AP1G1: variants seen among roughly 807,000 people sequenced by gnomAD.
AP1G1 encodes the protein AP-1 complex subunit gamma-1.
AP1G1 carries 7 observed loss-of-function variants against 108.3 expected under a neutral mutation model. The observed-to-expected ratio is 0.06, with a 90% CI of 0.04 to 0.12. AP1G1 has a LOEUF of 0.12. Ranked by LOEUF, AP1G1 falls within the 10% of genes least tolerant of loss-of-function variation. The pLI, the probability that AP1G1 is intolerant of heterozygous loss-of-function variation, is 1.00. For synonymous variants in AP1G1, 379 were observed against 353.5 expected, an observed-to-expected ratio of 1.07 and a Z score of -0.81; for missense variants, 756 against 1,010.7, an observed-to-expected ratio of 0.75 and a Z score of 3.42.
At chr16:71,798,897 A>T (rs1432380741) in intron 1 of AP1G1, among the ~76,000 whole-genome samples, 2 of 152,088 alleles carry the variant, frequency 1.3e-5, no homozygotes, top group African/African-American at 2.4e-5. Context: ...TCCCAGGAAA[A>T]AAAAAAAGGA....
At chr16:71,800,471 CGG>C (rs1008748478) in intron 1 of AP1G1, among the ~76,000 whole-genome samples, 3 of 150,880 alleles carry the variant, frequency 2.0e-5, no homozygotes, top group Non-Finnish European at 4.4e-5. Context: ...CATGTGAGGT[CGG>C]GAGTTCAAAA....
Position 71,808,513 on chromosome 16 carries a change from C to T in AP1G1, c.-4+250G>A, listed in dbSNP as rs937058234. On this transcript the variant is annotated intron_variant, in intron 1 of 22. Coordinates refer to ENST00000299980, the MANE Select transcript of AP1G1 (RefSeq NM_001128.6). Reference sequence around the variant, plus strand: ...TTCAAGGAGGCCCGTACCGGCGGGGCAACGCCACAACACGGAACGCCGCGG... The same window carrying T: ...TTCAAGGAGGCCCGTACCGGCGGGGTAACGCCACAACACGGAACGCCGCGG... The T allele has an allele frequency of 7.9e-6, 10 of 1,262,296 alleles. No homozygotes were observed. In the East Asian group the frequency reaches 2.3e-4, roughly 28 times the overall value. The allele number at this position is 1,262,296 out of a possible 1,614,324, so 78.2% of individuals were successfully genotyped here. A position where few individuals can be genotyped will look rare whatever the true frequency, so the allele number is the denominator to read the frequency against.
In AP1G1 at chr16:71,750,065, T is replaced by C. The variant is rs1202960560; in HGVS notation, c.1408-82A>G. On this transcript the variant is annotated intron_variant, in intron 14 of 22. Coordinates refer to ENST00000299980, the MANE Select transcript of AP1G1 (RefSeq NM_001128.6). The stretch of plus-strand genomic sequence containing the variant: ...ATGCAAATCATAGGTCATCTCATAA[T>C]AAAGATCAAAACTGTGCATATCTAG... 2.7e-6 allele frequency: 4 copies of C among 1,485,930 alleles called. No individual in the cohort carries two copies. In the South Asian group the frequency reaches 4.5e-5, roughly 17 times the overall value. 92.0% of individuals were successfully genotyped at this position (1,485,930 alleles called of 1,614,324 possible).
Position 71,730,365 on chromosome 16 carries a change from G to A in AP1G1, c.*2693C>T, listed in dbSNP as rs1347196557. 3 of 152,288 alleles carry A rather than the reference G, an allele frequency of 2.0e-5. No individual in the cohort carries two copies. The highest frequency in any genetic ancestry group is 4.4e-5 in the Non-Finnish European group (3 of 68,028). 9.4% of individuals were successfully genotyped at this position (152,288 alleles called of 1,614,324 possible). On this transcript the variant is annotated 3_prime_UTR_variant, in exon 23 of 23. Transcript: ENST00000299980. ...AAGAGGGAAATAATGAAGTACAAGTGCATGTGAAATTGTCAAAGTAAGTGT... is the reference window on the plus strand; with the variant it reads ...AAGAGGGAAATAATGAAGTACAAGTACATGTGAAATTGTCAAAGTAAGTGT...
At chr16:71,790,486 C>T (rs1275077458) in intron 1 of AP1G1, among the ~76,000 whole-genome samples, 1 of 147,072 alleles carries the variant, frequency 6.8e-6, no homozygotes, top group Non-Finnish European at 1.5e-5. Context: ...AAGATTGCAC[C>T]ATTGCCCTCT....
At chr16:71,787,819 C>T (rs1332663976) in intron 2 of AP1G1, among the ~76,000 whole-genome samples, 3 of 152,052 alleles carry the variant, frequency 2.0e-5, no homozygotes, top group African/African-American at 4.8e-5. Context: ...TAACACTCTA[C>T]GAATGAAATA....
Position 71,764,063 on chromosome 16 carries a change from AGCAGAC to A in AP1G1, c.918+281_918+286del, listed in dbSNP as rs1297123877. On this transcript the variant is annotated intron_variant, in intron 9 of 22. Coordinates refer to ENST00000299980, the MANE Select transcript of AP1G1 (RefSeq NM_001128.6). Reference sequence around the variant, plus strand: ...TAATGACTTTACAGTGGACAGACCCAGCAGACACCATCTCAACCAAATGATCAAGGT... The same window carrying A: ...TAATGACTTTACAGTGGACAGACCCAACCATCTCAACCAAATGATCAAGGT... Among the ~76,000 whole-genome samples the A allele has an allele frequency of 3.2e-3, 487 of 152,346 alleles. 2 individuals carry two copies. Among genetic ancestry groups the A allele is most frequent in the Non-Finnish European group, 5.3e-3 (358 of 68,026 alleles).
At chr16:71,799,378 C>T (rs769648154) in intron 1 of AP1G1, among the ~76,000 whole-genome samples, 1 of 152,162 alleles carries the variant, frequency 6.6e-6, no homozygotes, top group Non-Finnish European at 1.5e-5. Context: ...TGGCAAAAAT[C>T]TAGAAATGAT....
intron 1 of AP1G1, among the ~76,000 whole-genome samples, chr16:71,793,813 G>A (rs564294072): frequency 6.6e-6 from 1 of 152,184 alleles, no homozygotes; most frequent in Admixed American, 6.5e-5. Flanking sequence ...TGGCTCAAGC[G>A]ATCCTCCCAC....
intron 9 of AP1G1, among the ~76,000 whole-genome samples, chr16:71,764,034 A>G (rs952901693): frequency 2.0e-5 from 3 of 152,218 alleles, no homozygotes; most frequent in Admixed American, 1.3e-4. Flanking sequence ...TACAAAAGAA[A>G]AAATAATGAC....
At position 71,748,392 on chromosome 16, in the gene AP1G1, G is replaced by A. The variant is rs559600117; in HGVS notation, c.1498-14C>T. 5 of 1,604,896 alleles carry A rather than the reference G, an allele frequency of 3.1e-6. No individual in the cohort carries two copies. In the Admixed American group the frequency reaches 7.1e-5, roughly 23 times the overall value. ...ATCCTCTGTTACCTGAGGAGGAGGA[G>A]GAAAAAGAAGACGATGAAGAATGAG... is the stretch of plus-strand genomic sequence containing the variant. On this transcript the variant is annotated splice_polypyrimidine_tract_variant and intron_variant, in intron 15 of 22. Transcript: ENST00000299980.
chr16:71,791,051 T>C (rs1304005813), intron 1 of AP1G1, among the ~76,000 whole-genome samples: 3 of 151,774 alleles, frequency 2.0e-5, no homozygotes, highest in African/African-American at 7.3e-5. Context: ...CAAAACCCTG[T>C]CTCTACAAAA....
intron 21 of AP1G1, among the ~76,000 whole-genome samples, chr16:71,738,731 A>G (rs1289967089): frequency 6.6e-6 from 1 of 152,186 alleles, no homozygotes; most frequent in East Asian, 1.9e-4. Context: ...TTATCCTACA[A>G]TGCTAACCAT....
At chr16:71,736,125 T>A (rs750092765) in intron 21 of AP1G1, among the ~76,000 whole-genome samples, 13,761 of 65,036 alleles carry the variant, frequency 0.21, 1,395 homozygotes, top group South Asian at 0.44. Context: ...AAAATATATA[T>A]ATATATATAT....
rs766277133 is a variant in AP1G1, at chr16:71,756,073, C to T, written c.1175G>A (p.Cys392Tyr). 1.2e-5 allele frequency: 20 copies of T among 1,612,978 alleles called. No individual in the cohort carries two copies. The highest frequency in any genetic ancestry group is 2.2e-5 in the East Asian group (1 of 44,854). The change falls in exon 12 of 23, where the codon TGT becomes TAT. Residue 392 changes from cysteine to tyrosine, a missense_variant. Cys to Tyr is a radical substitution (Grantham distance 194). Around this residue, in one of 3 missense-constraint regions of AP1G1, gnomAD observed 357 missense variants for 366.5 expected, o/e 0.97. Coordinates refer to ENST00000299980, the MANE Select transcript of AP1G1 (RefSeq NM_001128.6). ...ACAGTCTGCTTTAAATTCTGGCTCA[C>T]ACGAATCCAGAAAATAAAGTAATTC... ...MKELLYFLDS[C>Y]EPEFKADCAS...
chr16:71,772,214 T>C (rs1209909328), intron 4 of AP1G1, among the ~76,000 whole-genome samples: 1 of 151,782 alleles, frequency 6.6e-6, no homozygotes, highest in Non-Finnish European at 1.5e-5. Flanking sequence ...CACTGCAAGC[T>C]CCGCCTCCTG....
chr16:71,787,151 T>C (rs1331324479), intron 2 of AP1G1, among the ~76,000 whole-genome samples: 1 of 151,884 alleles, frequency 6.6e-6, no homozygotes, highest in Non-Finnish European at 1.5e-5. Context: ...ACATTCCGTC[T>C]CTACTAAAAA....
chr16:71,762,478 G>T (rs1003563583), intron 9 of AP1G1, among the ~76,000 whole-genome samples: 1 of 152,128 alleles, frequency 6.6e-6, no homozygotes, highest in African/African-American at 2.4e-5. Context: ...GATATTAGAC[G>T]ATTGGAACTT....
At chr16:71,744,236 T>C (rs903866987) in intron 19 of AP1G1, among the ~76,000 whole-genome samples, 1 of 152,174 alleles carries the variant, frequency 6.6e-6, no homozygotes, top group Admixed American at 6.5e-5. Flanking sequence ...AGAGCAAGAC[T>C]CCATCTCAAA....
Sources: gnomAD v4.1 joint callset for allele counts (sites outside exome capture counted in the v4.1 genomes callset) on GRCh38, gnomAD v4.1.1 for gene constraint, gnomAD v4.1.1 regional missense constraint, MANE v1.5 for transcripts, NCBI Gene and HGNC (gene_info 2026-07-23, HGNC 2026-07-21) for gene names.